Variants in MYBPC2 observed in about 807,000 individuals in gnomAD.
MYBPC2 encodes myosin binding protein C2, also known as myosin-binding protein C, fast-type.
In MYBPC2, 122 loss-of-function variants were observed where a neutral mutation model predicts 137.0. The ratio of observed to expected loss-of-function variants is 0.89; its 90% CI spans 0.77 to 1.03. The LOEUF (loss-of-function observed/expected upper bound fraction) is 1.03. Ranked by LOEUF, MYBPC2 falls within the 50% of genes least tolerant of loss-of-function variation. The probability of loss-of-function intolerance (pLI) is 0.00; values close to 1 mark genes in which losing one functional copy is unlikely to be tolerated. For missense variants in MYBPC2, 1,500 were observed against 1,534.4 expected, an observed-to-expected ratio of 0.98 and a Z score of 0.37; for synonymous variants, 626 against 612.3, an observed-to-expected ratio of 1.02 and a Z score of -0.33.
chr19:50,458,495 C>G, intron 20 of MYBPC2, 92 bp from the exon 21 acceptor site: 1 of 1,476,716 alleles, frequency 6.8e-7, no homozygotes, highest in Non-Finnish European at 9.0e-7. Context: ...AGTGCTCACT[C>G]GCTCGCTGCG....
intron 13 of MYBPC2, 27 bp from the exon 14 acceptor site, chr19:50,450,802 G>C: frequency 6.5e-7 from 1 of 1,539,916 alleles, no homozygotes. Context: ...TCTGGTTCGA[G>C]CCCTACCCTG....
rs957165772 is a variant in MYBPC2 at position 50,462,872 on chromosome 19, G to A, written c.3228+836G>A. Among the ~76,000 whole-genome samples, 8 of 31,070 alleles carry A rather than the reference G, an allele frequency of 2.6e-4. No individual in the cohort carries two copies. In the Admixed American group the frequency reaches 3.1e-3, roughly 12 times the overall value. The allele number at this position is 31,070 out of a possible 152,430, so 20.4% of individuals were successfully genotyped here. Reference sequence around the variant, plus strand: ...CCTCTTGCCTTTTTCTTTGTCCCCTGACTGCCAGGTAACAGCTTGTCTCGG... The same window carrying A: ...CCTCTTGCCTTTTTCTTTGTCCCCTAACTGCCAGGTAACAGCTTGTCTCGG... On this transcript the variant is annotated intron_variant, in intron 26 of 27. Coordinates refer to ENST00000357701, the MANE Select transcript of MYBPC2 (RefSeq NM_004533.4).
At chr19:50,459,759 G>A (rs2039954187) in intron 23 of MYBPC2, among the ~76,000 whole-genome samples, 9 of 147,226 alleles carry the variant, frequency 6.1e-5, no homozygotes, top group Admixed American at 5.4e-4. Context: ...CCAGGGCTAG[G>A]AGTGGAGGAG....
At chr19:50,437,356 C>T (rs2039713153) in intron 5 of MYBPC2, 117 bp from the exon 6 acceptor site, 2 of 1,165,066 alleles carry the variant, frequency 1.7e-6, no homozygotes, top group Non-Finnish European at 2.5e-6. Context: ...TGTGCTGGTC[C>T]AAGAGATGGA....
chr19:50,448,687 T>G (rs913545067), intron 13 of MYBPC2, among the ~76,000 whole-genome samples: 5 of 151,822 alleles, frequency 3.3e-5, no homozygotes, highest in Non-Finnish European at 7.4e-5. Context: ...CTTGAACTCC[T>G]GACCTCAAGT....
chr19:50,444,209 T>C (rs2039781873), intron 11 of MYBPC2, among the ~76,000 whole-genome samples: 1 of 148,950 alleles, frequency 6.7e-6, no homozygotes, highest in Admixed American at 6.7e-5. Context: ...CACTCATGCA[T>C]CCATCCATCC....
Position 50,435,165 on chromosome 19 carries a change from C to CA in MYBPC2, c.29dup (p.Ala11GlyfsTer18). On this transcript the variant is annotated frameshift_variant, in exon 2 of 28. Transcript: ENST00000357701. LOFTEE classifies it high-confidence loss of function. The surrounding 1 kb of genome is among the most constrained non-coding windows in gnomAD (Gnocchi z 4.8). ...TGACTGTCCCCTACCTTACAGCGGC[C>CA]AAAAAGGCCCCCAAAGGCAAAGATG... is the stretch of plus-strand genomic sequence containing the variant. 4 of 1,325,452 alleles carry CA rather than the reference C, an allele frequency of 3.0e-6. No individual in the cohort carries two copies. Among genetic ancestry groups the CA allele is most frequent in the Admixed American group, 1.7e-5 (1 of 57,768 alleles). 82.1% of individuals were successfully genotyped at this position (1,325,452 alleles called of 1,614,324 possible).
intron 26 of MYBPC2, 97 bp from the exon 27 acceptor site, chr19:50,464,249 A>G: frequency 9.0e-7 from 1 of 1,111,566 alleles, no homozygotes; most frequent in Non-Finnish European, 1.3e-6. Context: ...AGAGGGTGGC[A>G]GAGCCTAGAA....
chr19:50,452,536 C>G (rs867974921), intron 16 of MYBPC2, among the ~76,000 whole-genome samples: 9 of 148,222 alleles, frequency 6.1e-5, no homozygotes, highest in Non-Finnish European at 1.2e-4. Flanking sequence ...ATCTATCTAT[C>G]TATGTATCTA....
chr19:50,436,682 G>T lies in MYBPC2; in HGVS notation c.411G>T (p.Glu137Asp), dbSNP rs763596400. The T allele has an allele frequency of 7.4e-6, 12 of 1,613,962 alleles. No individual in the cohort carries two copies. The South Asian group carries it at 1.3e-4, about 18-fold the overall frequency. The change falls in exon 5 of 28, where the codon GAG becomes GAT. Residue 137 changes from glutamate to aspartate, a missense_variant. Glu to Asp is a conservative substitution (Grantham distance 45). Coordinates refer to ENST00000357701, the MANE Select transcript of MYBPC2 (RefSeq NM_004533.4). ...GGGACCGTGGGTATTACCGCCTCGA[G>T]GTCAAAGCCAAGGACACCTGTGACA... is the stretch of plus-strand genomic sequence containing the variant. Reference protein sequence around the residue: ...VLGDRGYYRLEVKAKDTCDSC... With the variant: ...VLGDRGYYRLDVKAKDTCDSC...
chr19:50,458,999 C>G lies in MYBPC2; in HGVS notation c.2588C>G (p.Pro863Arg). ...KVGEQLNLVV[P>R]FQGKPRPQVV... ...GGCGAGCAGCTCAACCTTGTCGTCC[C>G]CTTCCAGGTCAGGGGAGCGGGGTCA... Residue 863 changes from proline (P) to arginine (R), a missense_variant, in exon 22 of 28, where the codon CCC (proline) becomes CGC (arginine). Pro to Arg is a moderately radical substitution (Grantham distance 103). Coordinates refer to ENST00000357701, the MANE Select transcript of MYBPC2 (RefSeq NM_004533.4). 4 of 1,611,006 alleles carry G rather than the reference C, an allele frequency of 2.5e-6. No homozygotes were observed. The highest frequency in any genetic ancestry group is 1.1e-5 in the South Asian group (1 of 90,564).
chr19:50,443,760 G>C lies in MYBPC2; in HGVS notation c.1077G>C (p.Val359=), dbSNP rs772864373. 1 of 1,613,896 alleles carries C rather than the reference G, an allele frequency of 6.2e-7. No homozygotes were observed. The highest frequency in any genetic ancestry group is 1.1e-5 in the South Asian group (1 of 91,056). ...CTCTTGAGGACCAGCAGGTGTTTGT[G>C]GGTGACCGGGTGGAAATGGCAGTGG... ...VTPLEDQQVF[V]GDRVEMAVEV... is the part of the protein sequence containing the mutation. Residue 359 remains valine (V), a synonymous_variant, in exon 11 of 28, where the codon GTG becomes GTC. Coordinates refer to ENST00000357701, the MANE Select transcript of MYBPC2 (RefSeq NM_004533.4).
chr19:50,452,133 T>C, intron 16 of MYBPC2, 130 bp downstream of exon 16: 1 of 1,065,522 alleles, frequency 9.4e-7, no homozygotes, highest in South Asian at 1.6e-5. Context: ...TTTTGAAGAT[T>C]AGAGATTATG....
At chr19:50,449,071 C>T (rs1035725049) in intron 13 of MYBPC2, among the ~76,000 whole-genome samples, 1 of 152,092 alleles carries the variant, frequency 6.6e-6, no homozygotes, top group East Asian at 1.9e-4. Context: ...GGATTGGGCT[C>T]GGAGCAGTGA....
chr19:50,433,595 A>G (rs2039676852), intron 1 of MYBPC2, among the ~76,000 whole-genome samples: 1 of 151,894 alleles, frequency 6.6e-6, no homozygotes, highest in Non-Finnish European at 1.5e-5. Flanking sequence ...GGGTTTCGCC[A>G]TGTTGACCAG....
chr19:50,461,915 C>T lies in MYBPC2; in HGVS notation c.3107C>T (p.Pro1036Leu), dbSNP rs200463628. 9.4e-6 allele frequency: 15 copies of T among 1,597,672 alleles called. No individual in the cohort carries two copies. Among genetic ancestry groups the T allele is most frequent in the South Asian group, 6.8e-5 (6 of 88,228 alleles). ...CTCTCCCCAGGAATCACCTTCAAAC[C>T]GTTCGAGTATAAGGAGCATGACTTC... The part of the protein sequence containing the change: ...RILKTGITFK[P>L]FEYKEHDFRM... Residue 1036 changes from proline (P) to leucine (L), a missense_variant, in exon 26 of 28, where the codon CCG (proline) becomes CTG (leucine). Transcript: ENST00000357701.
chr19:50,451,975 C>A lies in MYBPC2; in HGVS notation c.1721C>A (p.Pro574His), dbSNP rs1482275387. 6.4e-7 allele frequency: 1 copy of A among 1,553,698 alleles called. No homozygotes were observed. Among genetic ancestry groups the A allele is most frequent in the African/African-American group, 1.4e-5 (1 of 73,182 alleles). Residue 574 changes from proline (P) to histidine (H), a missense_variant, in exon 16 of 28, where the codon CCC (proline) becomes CAC (histidine). Physicochemically the swap from Pro to His is moderately conservative, Grantham distance 77. Coordinates refer to ENST00000357701, the MANE Select transcript of MYBPC2 (RefSeq NM_004533.4). ...LDVSITGEPP[P>H]VATWLKGDEV... is the part of the protein sequence containing the mutation. ...GTGTCCATCACAGGGGAGCCCCCTC[C>A]CGTCGCTACCTGGCTGAAGGGAGAT...
Position 50,436,525 on chromosome 19 carries a change from A to G in MYBPC2, c.346-92A>G, listed in dbSNP as rs892744813. 3.8e-5 allele frequency: 44 copies of G among 1,148,166 alleles called. No homozygotes were observed. In the African/African-American group the frequency reaches 6.5e-4, roughly 17 times the overall value. 71.1% of individuals were successfully genotyped at this position (1,148,166 alleles called of 1,614,324 possible). On this transcript the variant is annotated intron_variant, in intron 4 of 27. Transcript: ENST00000357701. ...GCCCCCCTGTGGGGTGGGGGTGAGG[A>G]CGTGGAGATAGAGCTATGAGTGGAC...
At position 50,435,486 on chromosome 19, in the gene MYBPC2, C is replaced by T. The variant is rs548218025; in HGVS notation, c.109+236C>T. ...CAGCTGGCTGATTGATCACCAGGTCCGGCCCCGGTCTCTCTAAACCTCTCC... is the reference window on the plus strand; with the variant it reads ...CAGCTGGCTGATTGATCACCAGGTCTGGCCCCGGTCTCTCTAAACCTCTCC... On this transcript the variant is annotated intron_variant, in intron 2 of 27. Coordinates refer to ENST00000357701, the MANE Select transcript of MYBPC2 (RefSeq NM_004533.4). The surrounding 1 kb of genome is among the most constrained non-coding windows in gnomAD (Gnocchi z 4.8). 4.6e-5 allele frequency among the ~76,000 whole-genome samples: 7 copies of T among 152,304 alleles called. No individual in the cohort carries two copies. The South Asian group carries it at 1.0e-3, about 23-fold the overall frequency.
Sources: gnomAD v4.1 joint callset for allele counts (sites outside exome capture counted in the v4.1 genomes callset) on GRCh38, gnomAD v4.1.1 for gene constraint, Gnocchi (gnomAD v3.1) non-coding constraint, MANE v1.5 for transcripts, NCBI Gene and HGNC (gene_info 2026-07-23, HGNC 2026-07-21) for gene names.